Variants in ANAPC1 observed in about 807,000 individuals in gnomAD.
The protein encoded by ANAPC1 is anaphase promoting complex subunit 1.
Under a neutral mutation model 208.0 loss-of-function variants are expected in ANAPC1, and 36 were observed. The ratio of observed to expected loss-of-function variants is 0.17; its 90% CI spans 0.13 to 0.23. The LOEUF is 0.23. Ranked by LOEUF, ANAPC1 falls within the 10% of genes least tolerant of loss-of-function variation. The pLI is 1.00. For synonymous variants in ANAPC1, 378 were observed against 695.2 expected, an observed-to-expected ratio of 0.54 and a Z score of 7.18; for missense variants, 942 against 2,011.6, an observed-to-expected ratio of 0.47 and a Z score of 10.17.
In ANAPC1 at chr2:111,834,672, C is replaced by G; in HGVS notation, c.2316G>C (p.Glu772Asp). The G allele has an allele frequency of 3.1e-6, 5 of 1,613,430 alleles. No homozygotes were observed. Among genetic ancestry groups the G allele is most frequent in the Non-Finnish European group, 4.2e-6 (5 of 1,179,702 alleles). ...CTCCCATTAGAGTATTCAACTTAAGCTCCTCATACACAAGGTGAAGAACGA... is the reference window on the plus strand; with the variant it reads ...CTCCCATTAGAGTATTCAACTTAAGGTCCTCATACACAAGGTGAAGAACGA... Reference protein sequence around the residue: ...IFFVLHLVYEELKLNTLMGEG... With the variant: ...IFFVLHLVYEDLKLNTLMGEG... Residue 772 changes from glutamate (E) to aspartate (D), a missense_variant, in exon 19 of 48, where the codon GAG becomes GAC. Transcript: ENST00000341068.
intron 35 of ANAPC1, 136 bp from the exon 36 acceptor site, chr2:111,794,459 G>A (rs1362299856): frequency 1.5e-6 from 1 of 646,612 alleles, no homozygotes; most frequent in Non-Finnish European, 2.5e-6. Flanking sequence ...TCAGTCAGCA[G>A]ATTTCTATGT....
intron 21 of ANAPC1, among the ~76,000 whole-genome samples, chr2:111,828,822 G>C (rs1679974362): frequency 1.3e-5 from 2 of 152,230 alleles, no homozygotes; most frequent in African/African-American, 4.8e-5. Flanking sequence ...AATAGGTACA[G>C]AGTTTATGTT....
chr2:111,856,427 A>G, intron 13 of ANAPC1, 187 bp downstream of exon 13: 5 of 616,350 alleles, frequency 8.1e-6, no homozygotes, highest in South Asian at 2.0e-5. Flanking sequence ...GCAGTGAGCC[A>G]TAGCCCTCCA....
At chr2:111,872,476 G>A (rs1341861633) in intron 6 of ANAPC1, among the ~76,000 whole-genome samples, 154 bp downstream of exon 6, 1 of 152,132 alleles carries the variant, frequency 6.6e-6, no homozygotes, top group Non-Finnish European at 1.5e-5. Context: ...TTGGATCAGG[G>A]ATACTCAACT....
chr2:111,861,275 C>T (rs1682050130), intron 10 of ANAPC1, among the ~76,000 whole-genome samples: 1 of 152,174 alleles, frequency 6.6e-6, no homozygotes. Context: ...GGGGTTTCAC[C>T]ATTTTGGGCA....
intron 6 of ANAPC1, 150 bp downstream of exon 6, chr2:111,872,480 C>T (rs943419201): frequency 3.0e-5 from 18 of 593,366 alleles, no homozygotes; most frequent in African/African-American, 1.7e-4. Context: ...ATCAGGGATA[C>T]TCAACTTGTA....
At chr2:111,858,037 G>T (rs1346363360) in intron 11 of ANAPC1, among the ~76,000 whole-genome samples, 1 of 151,998 alleles carries the variant, frequency 6.6e-6, no homozygotes, top group East Asian at 1.9e-4. Flanking sequence ...GCCTGAGGCT[G>T]GAAATGGGAA....
At chr2:111,829,086 C>T (rs375835077) in intron 21 of ANAPC1, among the ~76,000 whole-genome samples, 13 of 152,232 alleles carry the variant, frequency 8.5e-5, no homozygotes, top group South Asian at 2.1e-4. Context: ...TGGTGACTAA[C>T]GCCTGTAATC....
At chr2:111,829,476 G>A (rs1305122302) in intron 21 of ANAPC1, among the ~76,000 whole-genome samples, 1 of 152,056 alleles carries the variant, frequency 6.6e-6, no homozygotes, top group African/African-American at 2.4e-5. Context: ...GCAAGCCTGG[G>A]AAGACCCCAC....
At position 111,767,812 on chromosome 2, in the gene ANAPC1, A is replaced by G. The variant is rs1676517624; in HGVS notation, c.*1479T>C. The G allele has an allele frequency of 6.6e-6, 1 of 152,190 alleles. No homozygotes were observed. The highest frequency in any genetic ancestry group is 2.4e-5 in the African/African-American group (1 of 41,436). 9.4% of individuals were successfully genotyped at this position (152,190 alleles called of 1,614,324 possible). The stretch of plus-strand genomic sequence containing the variant: ...TTAGAAGAAAACTATGTAACTGTGA[A>G]GAGAAGCACATTTCAGCCTCTCAGT... On this transcript the variant is annotated 3_prime_UTR_variant, in exon 48 of 48. Transcript: ENST00000341068.
chr2:111,799,033 CAAAA>C (rs71279117), intron 34 of ANAPC1, among the ~76,000 whole-genome samples: 4 of 112,990 alleles, frequency 3.5e-5, no homozygotes, highest in African/African-American at 1.0e-4. Context: ...GACTCCATCT[CAAAA>C]AAAAAAAAAG....
intron 14 of ANAPC1, among the ~76,000 whole-genome samples, chr2:111,848,547 C>A (rs796450775): frequency 6.6e-6 from 1 of 152,068 alleles, no homozygotes; most frequent in Non-Finnish European, 1.5e-5. Context: ...GAGGCTGAGG[C>A]GGGTGGATCA....
intron 1 of ANAPC1, among the ~76,000 whole-genome samples, 169 bp downstream of exon 1, chr2:111,883,773 G>A (rs1296059894): frequency 3.3e-5 from 5 of 152,196 alleles, no homozygotes; most frequent in South Asian, 4.1e-4. Flanking sequence ...CAGGCCAGGA[G>A]CGCCCGCAGG....
At chr2:111,846,171 T>C (rs1197718688) in intron 16 of ANAPC1, among the ~76,000 whole-genome samples, 11 of 152,090 alleles carry the variant, frequency 7.2e-5, no homozygotes, top group Non-Finnish European at 2.9e-5. Context: ...AGGCATTCTT[T>C]TCTTAACCTA....
At chr2:111,771,928 TA>T (rs1261796839) in intron 47 of ANAPC1, among the ~76,000 whole-genome samples, 11 of 151,052 alleles carry the variant, frequency 7.3e-5, no homozygotes, top group Admixed American at 2.6e-4. Flanking sequence ...AAAACTATTA[TA>T]AAAAAATTCA....
intron 8 of ANAPC1, 144 bp downstream of exon 8, chr2:111,864,662 A>C: frequency 2.2e-6 from 3 of 1,347,074 alleles, no homozygotes; most frequent in Non-Finnish European, 3.0e-6. Context: ...GGGTTTCACC[A>C]TGTTGGCCAG....
chr2:111,782,316 A>G (rs1677327831), intron 43 of ANAPC1, 53 bp downstream of exon 43: 1 of 1,611,888 alleles, frequency 6.2e-7, no homozygotes, highest in African/African-American at 1.3e-5. Context: ...ATGGGCGAGG[A>G]AGCCGGCAAT....
chr2:111,771,513 T>C (rs1676737042), intron 47 of ANAPC1, among the ~76,000 whole-genome samples: 1 of 151,008 alleles, frequency 6.6e-6, no homozygotes, highest in South Asian at 2.1e-4. Context: ...TCTTGTACTA[T>C]GAACTGGCAA....
chr2:111,867,337 A>T (rs978323465), intron 7 of ANAPC1, among the ~76,000 whole-genome samples: 1 of 152,092 alleles, frequency 6.6e-6, no homozygotes, highest in African/African-American at 2.4e-5. Context: ...CAAGCTTTAC[A>T]AAAACATGCT....
Sources: allele counts gnomAD v4.1 joint callset (sites outside exome capture counted in the v4.1 genomes callset), GRCh38; gene constraint gnomAD v4.1.1; transcripts MANE v1.5; gene names NCBI Gene and HGNC (gene_info 2026-07-23, HGNC 2026-07-21).